SAMD12: variants seen among roughly 807,000 people sequenced by gnomAD.
SAMD12 encodes sterile alpha motif domain containing 12, also known as sterile alpha motif domain-containing protein 12.
A neutral mutation model predicts 15.0 loss-of-function variants in SAMD12; 9 were observed. The observed-to-expected ratio is 0.60, with a 90% confidence interval of 0.36 to 1.05. The LOEUF (loss-of-function observed/expected upper bound fraction) is 1.05. Ranked by LOEUF, SAMD12 falls within the 50% of genes least tolerant of loss-of-function variation. SAMD12 has a pLI of 0.01. For missense variants in SAMD12, 230 were observed against 234.2 expected (o/e 0.98, Z 0.12); for synonymous variants, 86 against 90.1 (o/e 0.96, Z 0.25).
At chr8:118,191,807 TATATAGAGAGAGAGAG>T (rs1819405535) in exon 5 of SAMD12, 1 of 15,948 alleles carries the variant, frequency 6.3e-5, no homozygotes, top group Non-Finnish European at 1.4e-4. Flanking sequence ...TATATATATA[TATATAGAGAGAGAGAG>T]AGAGAGAGAG....
At chr8:118,239,122 T>C (rs967321155) in intron 4 of SAMD12, among the ~76,000 whole-genome samples, 2 of 152,110 alleles carry the variant, frequency 1.3e-5, no homozygotes, top group African/African-American at 4.8e-5. Flanking sequence ...ATGATGGTAG[T>C]GGTGATGATG....
intron 4 of SAMD12, among the ~76,000 whole-genome samples, chr8:118,318,355 T>TACATAC (rs1816053972): frequency 3.6e-5 from 4 of 110,842 alleles, no homozygotes; most frequent in African/African-American, 1.3e-4. Context: ...TATATATATA[T>TACATAC]ACATATATAC....
chr8:118,320,861 T>C (rs1816212215), intron 4 of SAMD12, among the ~76,000 whole-genome samples: 1 of 148,712 alleles, frequency 6.7e-6, no homozygotes, highest in South Asian at 2.1e-4. Flanking sequence ...GAACAATGCA[T>C]GTGTGTCTTT....
At chr8:118,336,294 A>G (rs1817057687) in intron 4 of SAMD12, among the ~76,000 whole-genome samples, 1 of 152,254 alleles carries the variant, frequency 6.6e-6, no homozygotes, top group African/African-American at 2.4e-5. Flanking sequence ...CTTAGAAACA[A>G]GCATAATTGC....
intron 1 of SAMD12, among the ~76,000 whole-genome samples, chr8:118,602,623 G>C (rs1192604952): frequency 6.6e-6 from 1 of 152,130 alleles, no homozygotes; most frequent in African/African-American, 2.4e-5. Flanking sequence ...TCAAATATTG[G>C]CTTTTATCTG....
chr8:118,186,566 T>TTA (rs1819246512), downstream of SAMD12, among the ~76,000 whole-genome samples: 1 of 151,884 alleles, frequency 6.6e-6, no homozygotes, highest in Non-Finnish European at 1.5e-5. Context: ...TTTTTTTTTT[T>TTA]TTTGAGTCAT....
intron 2 of SAMD12, among the ~76,000 whole-genome samples, chr8:118,468,568 T>C: frequency 6.6e-6 from 1 of 152,120 alleles, no homozygotes; most frequent in Non-Finnish European, 1.5e-5. Flanking sequence ...GAGTTGATCT[T>C]ATAACCTGAT....
intron 4 of SAMD12, among the ~76,000 whole-genome samples, chr8:118,368,906 T>G (rs943237520): frequency 6.6e-6 from 1 of 152,210 alleles, no homozygotes; most frequent in Non-Finnish European, 1.5e-5. Flanking sequence ...TTTGTGCACC[T>G]GTTAACATTT....
At chr8:118,298,561 A>T (rs1353054810) in intron 4 of SAMD12, among the ~76,000 whole-genome samples, 1 of 152,188 alleles carries the variant, frequency 6.6e-6, no homozygotes, top group Non-Finnish European at 1.5e-5. Flanking sequence ...CAGCATTTAC[A>T]CTTTTTAAAT....
At chr8:118,366,978 G>C (rs1342692552) in intron 4 of SAMD12, among the ~76,000 whole-genome samples, 1 of 151,832 alleles carries the variant, frequency 6.6e-6, no homozygotes, top group Non-Finnish European at 1.5e-5. Flanking sequence ...GAAGGATAAG[G>C]ATAGAAGGCT....
chr8:118,591,707 T>TA (rs201398849), intron 1 of SAMD12, among the ~76,000 whole-genome samples: 2,841 of 150,462 alleles, frequency 0.019, 41 homozygotes, highest in African/African-American at 0.041. Context: ...TTCAAATACA[T>TA]AAAAAAAAAC....
chr8:118,219,061 G>A (rs1812025907), intron 4 of SAMD12, among the ~76,000 whole-genome samples: 1 of 152,210 alleles, frequency 6.6e-6, no homozygotes, highest in Non-Finnish European at 1.5e-5. Context: ...GGCATGAACT[G>A]TCTGGGTCTC....
At chr8:118,270,183 G>A (rs1319643886) in intron 4 of SAMD12, among the ~76,000 whole-genome samples, 2 of 152,040 alleles carry the variant, frequency 1.3e-5, no homozygotes, top group Non-Finnish European at 2.9e-5. Flanking sequence ...AATAACTGGA[G>A]GTTCTTTCAT....
chr8:118,183,554 A>G, the SAMD12 span, among the ~76,000 whole-genome samples: 13 of 150,710 alleles, frequency 8.6e-5, no homozygotes, highest in African/African-American at 3.2e-4. Context: ...AATGGTTGAG[A>G]TTTTTATGTT....
chr8:118,236,834 C>G (rs1291366771), intron 4 of SAMD12, among the ~76,000 whole-genome samples: 3 of 152,172 alleles, frequency 2.0e-5, no homozygotes, highest in Non-Finnish European at 4.4e-5. Flanking sequence ...AAACTCGCAG[C>G]ACGGCACTAT....
rs145700955 is a variant in SAMD12, at chr8:118,399,287, CTT to C, written c.323-19589_323-19588del. 7.9e-3 allele frequency among the ~76,000 whole-genome samples: 1,189 copies of C among 151,178 alleles called. 17 individuals carry two copies. The highest frequency in any genetic ancestry group is 0.028 in the African/African-American group (1,139 of 41,090). On this transcript the variant is annotated intron_variant, in intron 3 of 3. Coordinates refer to ENST00000314727, the MANE Select transcript of SAMD12 (RefSeq NM_207506.3). ...CCAGATAAAAGTAGAGTTCAGATAACTTAGGCTGAATCAAACCACAATTCCCA... is the reference window on the plus strand; with the variant it reads ...CCAGATAAAAGTAGAGTTCAGATAACAGGCTGAATCAAACCACAATTCCCA...
At chr8:118,341,323 G>T (rs921755114) in intron 4 of SAMD12, among the ~76,000 whole-genome samples, 10 of 152,152 alleles carry the variant, frequency 6.6e-5, no homozygotes, top group African/African-American at 2.4e-4. Flanking sequence ...ACTGATAAGA[G>T]CAGTCACTAA....
downstream of SAMD12, among the ~76,000 whole-genome samples, chr8:118,184,644 T>C (rs73314393): frequency 0.032 from 4,849 of 152,190 alleles, 107 homozygotes; most frequent in South Asian, 0.077. Context: ...TATAGGTACC[T>C]GCCACCATGC....
the SAMD12 span, among the ~76,000 whole-genome samples, chr8:118,160,889 C>A: frequency 1.3e-5 from 2 of 151,930 alleles, no homozygotes; most frequent in South Asian, 4.1e-4. Flanking sequence ...TGTGCTTCAC[C>A]CATTAAACTC....
Sources: gnomAD v4.1 joint callset for allele counts (sites outside exome capture counted in the v4.1 genomes callset) on GRCh38, gnomAD v4.1.1 for gene constraint, MANE v1.5 for transcripts, NCBI Gene and HGNC (gene_info 2026-07-23, HGNC 2026-07-21) for gene names.